SIN3A: variants seen among roughly 807,000 people sequenced by gnomAD.
The protein encoded by SIN3A is paired amphipathic helix protein Sin3a.
SIN3A carries 14 observed loss-of-function variants against 146.1 expected under a neutral mutation model. That is an observed-to-expected ratio of 0.10 (90% CI 0.06 to 0.15). The LOEUF is 0.15. Ranked by LOEUF, SIN3A falls within the 10% of genes least tolerant of loss-of-function variation. The pLI, the probability that SIN3A is intolerant of heterozygous loss-of-function variation, is 1.00. For missense variants in SIN3A, 1,028 were observed against 1,576.0 expected, an observed-to-expected ratio of 0.65 and a Z score of 5.89; for synonymous variants, 572 against 572.0, an observed-to-expected ratio of 1.00 and a Z score of 0.00.
chr15:75,432,723 A>C (rs890804172), intron 1 of SIN3A, among the ~76,000 whole-genome samples: 1 of 147,774 alleles, frequency 6.8e-6, no homozygotes, highest in African/African-American at 2.5e-5. Context: ...AAATGTTATG[A>C]TAGGGCAGCA....
At chr15:75,412,039 A>T (rs1472699373) in intron 5 of SIN3A, among the ~76,000 whole-genome samples, 1 of 152,254 alleles carries the variant, frequency 6.6e-6, no homozygotes, top group Non-Finnish European at 1.5e-5. Flanking sequence ...TAGCTCAACA[A>T]GTACACATAG....
At chr15:75,411,287 C>A (rs1411390336) in intron 6 of SIN3A, among the ~76,000 whole-genome samples, 1 of 152,166 alleles carries the variant, frequency 6.6e-6, no homozygotes, top group South Asian at 2.1e-4. Context: ...GAGATCGTGC[C>A]ACTACACTCC....
intron 1 of SIN3A, among the ~76,000 whole-genome samples, chr15:75,437,475 CTT>C (rs947904092): frequency 6.6e-6 from 1 of 152,226 alleles, no homozygotes; most frequent in East Asian, 1.9e-4. Context: ...CCAGACCCCT[CTT>C]TTTTTGAGGG....
intron 1 of SIN3A, among the ~76,000 whole-genome samples, chr15:75,444,071 C>T (rs953290299): frequency 9.9e-5 from 15 of 152,130 alleles, no homozygotes; most frequent in African/African-American, 3.4e-4. Flanking sequence ...AATACCAAAA[C>T]ATTTCAATAT....
At position 75,371,774 on chromosome 15, in the gene SIN3A, C is replaced by CTTCA. The variant is rs1353827629; in HGVS notation, c.*201_*204dup. The CTTCA allele has an allele frequency of 2.5e-5, 14 of 561,586 alleles. No individual in the cohort carries two copies. Among genetic ancestry groups the CTTCA allele is most frequent in the Non-Finnish European group, 4.1e-5 (13 of 316,472 alleles). The allele number at this position is 561,586 out of a possible 1,614,324, so 34.8% of individuals were successfully genotyped here. On this transcript the variant is annotated 3_prime_UTR_variant, in exon 21 of 21. Transcript: ENST00000394947. Reference sequence around the variant, plus strand: ...CAAAACCCTTTGGGAAAAGTTCCAGCTTCAGCTTTGTAAGGTATTCATGTT... The same window carrying CTTCA: ...CAAAACCCTTTGGGAAAAGTTCCAGCTTCATTCAGCTTTGTAAGGTATTCATGTT...
intron 8 of SIN3A, among the ~76,000 whole-genome samples, chr15:75,408,699 T>TACA (rs2073567216): frequency 6.6e-6 from 1 of 152,216 alleles, no homozygotes; most frequent in Non-Finnish European, 1.5e-5. Context: ...TTCCCTCTGC[T>TACA]ACAGCCCAAA....
At position 75,375,878 on chromosome 15, in the gene SIN3A, G is replaced by A. The variant is rs201447452; in HGVS notation, c.3384-6C>T. ...TCCGGATCCGCCGTAGATTCCTATT[G>A]CAGAAAAGCCCCGGAGGATGAGAGC... On this transcript the variant is annotated splice_polypyrimidine_tract_variant and splice_region_variant and intron_variant, in intron 19 of 20. Transcript: ENST00000394947. The A allele has an allele frequency of 2.7e-5, 44 of 1,613,580 alleles. No individual in the cohort carries two copies. In the Admixed American group the frequency reaches 7.2e-4, roughly 26 times the overall value.
intron 19 of SIN3A, among the ~76,000 whole-genome samples, chr15:75,377,308 A>C (rs1567310276): frequency 6.6e-6 from 1 of 152,202 alleles, no homozygotes; most frequent in Non-Finnish European, 1.5e-5. Context: ...ACATTAAGTG[A>C]AAAAAGCCAG....
intron 18 of SIN3A, chr15:75,381,175 A>G (rs1297741991): frequency 2.7e-5 from 5 of 183,276 alleles, no homozygotes; most frequent in African/African-American, 1.2e-4. Context: ...AACATCATAC[A>G]TATGGCCTGC....
intron 11 of SIN3A, 24 bp downstream of exon 11, chr15:75,400,705 TG>T (rs1287422258): frequency 3.1e-6 from 5 of 1,590,674 alleles, no homozygotes; most frequent in Non-Finnish European, 4.3e-6. Flanking sequence ...GACCCAGGGC[TG>T]ATCTTTGCTA....
At chr15:75,426,625 T>C (rs989696731) in intron 2 of SIN3A, among the ~76,000 whole-genome samples, 1 of 152,074 alleles carries the variant, frequency 6.6e-6, no homozygotes, top group Non-Finnish European at 1.5e-5. Flanking sequence ...ATGATCCACA[T>C]TGTACAAAAA....
rs2072758979 is a variant in SIN3A at position 75,371,943 on chromosome 15, C to T, written c.*36G>A. On this transcript the variant is annotated 3_prime_UTR_variant, in exon 21 of 21. Transcript: ENST00000394947. Reference sequence around the variant, plus strand: ...GTGCATAGGCCCACACACACATCCCCACACACACCCCAAGTTATCTGCTCT... The same window carrying T: ...GTGCATAGGCCCACACACACATCCCTACACACACCCCAAGTTATCTGCTCT... 3 of 1,583,638 alleles carry T rather than the reference C, an allele frequency of 1.9e-6. No homozygotes were observed. Among genetic ancestry groups the T allele is most frequent in the Admixed American group, 3.3e-5 (2 of 59,856 alleles).
chr15:75,396,550 G>T, intron 12 of SIN3A, 54 bp from the exon 13 acceptor site: 1 of 1,285,298 alleles, frequency 7.8e-7, no homozygotes, highest in Non-Finnish European at 1.1e-6. Flanking sequence ...AAATAGAATA[G>T]AGTAGTGTTT....
intron 1 of SIN3A, among the ~76,000 whole-genome samples, chr15:75,449,392 G>A (rs1377952335): frequency 1.3e-5 from 2 of 152,156 alleles, no homozygotes; most frequent in Admixed American, 6.5e-5. Flanking sequence ...GGCTCATTTA[G>A]ACATTACTGC....
At chr15:75,379,438 G>A (rs1167397556) in intron 19 of SIN3A, among the ~76,000 whole-genome samples, 1 of 152,148 alleles carries the variant, frequency 6.6e-6, no homozygotes, top group Non-Finnish European at 1.5e-5. Context: ...CCACCAGAAC[G>A]ATTATATCAA....
At chr15:75,428,035 C>T (rs2073956728) in intron 2 of SIN3A, among the ~76,000 whole-genome samples, 1 of 152,030 alleles carries the variant, frequency 6.6e-6, no homozygotes, top group Non-Finnish European at 1.5e-5. Flanking sequence ...CAAAGTGATA[C>T]ATTACTTTCA....
chr15:75,451,278 C>T (rs1337988308), intron 1 of SIN3A, 145 bp downstream of exon 1: 2 of 130,974 alleles, frequency 1.5e-5, no homozygotes, highest in Non-Finnish European at 3.4e-5. Context: ...GCCCCCCACC[C>T]CCCTCACACA....
intron 17 of SIN3A, among the ~76,000 whole-genome samples, chr15:75,382,230 A>G (rs926136293): frequency 6.6e-6 from 1 of 152,264 alleles, no homozygotes; most frequent in African/African-American, 2.4e-5. Flanking sequence ...TAATCAATAT[A>G]CATGCAGAGC....
intron 1 of SIN3A, among the ~76,000 whole-genome samples, chr15:75,442,326 G>A (rs796681478): frequency 2.0e-5 from 3 of 149,344 alleles, no homozygotes; most frequent in African/African-American, 4.9e-5. Context: ...CAGTGGTTTT[G>A]ATTGTTTTTT....
Sources: allele counts gnomAD v4.1 joint callset (sites outside exome capture counted in the v4.1 genomes callset), GRCh38; gene constraint gnomAD v4.1.1; transcripts MANE v1.5; gene names NCBI Gene and HGNC (gene_info 2026-07-23, HGNC 2026-07-21).